PTPN1: variants seen among roughly 807,000 people sequenced by gnomAD.
PTPN1 encodes the protein tyrosine-protein phosphatase non-receptor type 1.
A neutral mutation model predicts 59.9 loss-of-function variants in PTPN1; 12 were observed. That is an observed-to-expected ratio of 0.20 (90% confidence interval 0.13 to 0.32). The LOEUF is 0.32. PTPN1 is among the 10% of genes least tolerant of loss of function. The pLI is 1.00. For missense variants in PTPN1, 356 were observed against 549.2 expected (o/e 0.65, Z 3.52); for synonymous variants, 178 against 203.6 (o/e 0.87, Z 1.07).
At chr20:50,532,428 T>C (rs1338151952) in intron 1 of PTPN1, among the ~76,000 whole-genome samples, 2 of 152,202 alleles carry the variant, frequency 1.3e-5, no homozygotes, top group Non-Finnish European at 2.9e-5. Context: ...TAATCAAGCA[T>C]GAAAGTACAG....
chr20:50,581,505 G>A, intron 9 of PTPN1, 45 bp downstream of exon 9: 1 of 1,559,860 alleles, frequency 6.4e-7, no homozygotes, highest in Non-Finnish European at 8.7e-7. Context: ...CTCGTGTGCA[G>A]AGAGCACTGG....
At chr20:50,534,486 T>C (rs1370249703) in intron 1 of PTPN1, among the ~76,000 whole-genome samples, 2 of 152,240 alleles carry the variant, frequency 1.3e-5, no homozygotes, top group Non-Finnish European at 2.9e-5. Context: ...GTTTGGAAGG[T>C]GTATTTTGTA....
chr20:50,537,319 A>G (rs1279161527), intron 1 of PTPN1, among the ~76,000 whole-genome samples: 1 of 152,106 alleles, frequency 6.6e-6, no homozygotes, highest in African/African-American at 2.4e-5. Context: ...GCAAGACTGC[A>G]TCTCAAAAAT....
chr20:50,545,018 A>G (rs1487355690), intron 1 of PTPN1, among the ~76,000 whole-genome samples: 2 of 152,210 alleles, frequency 1.3e-5, no homozygotes, highest in Non-Finnish European at 2.9e-5. Flanking sequence ...AATAATCATG[A>G]TAAATAAAAT....
Position 50,539,026 on chromosome 20 carries a change from CTTTTTTTTTTT to C in PTPN1, c.64-22321_64-22311del, listed in dbSNP as rs71190576. 1.3e-4 allele frequency among the ~76,000 whole-genome samples: 11 copies of C among 85,312 alleles called. No individual in the cohort carries two copies. In the South Asian group the frequency reaches 2.2e-3, roughly 17 times the overall value. The allele number at this position is 85,312 out of a possible 152,430, so 56.0% of individuals were successfully genotyped here. A position where few individuals can be genotyped will look rare whatever the true frequency, so the allele number is the denominator to read the frequency against. On this transcript the variant is annotated intron_variant, in intron 1 of 9. Coordinates refer to ENST00000371621, the MANE Select transcript of PTPN1 (RefSeq NM_002827.4). The stretch of plus-strand genomic sequence containing the variant: ...TGCTCACTCTAAGTTCTTCTCAATT[CTTTTTTTTTTT>C]TTTTTTTTTTTTTTTGAGAAAGAGT...
chr20:50,561,358 T>G lies in PTPN1; in HGVS notation c.64-5T>G. On this transcript the variant is annotated splice_region_variant and splice_polypyrimidine_tract_variant and intron_variant, in intron 1 of 9. Coordinates refer to ENST00000371621, the MANE Select transcript of PTPN1 (RefSeq NM_002827.4). ...TCAGTTAAATGTCTTTATTCTTTTT[T>G]GTAGGATATCCGACATGAAGCCAGT... The G allele has an allele frequency of 6.2e-7, 1 of 1,600,790 alleles. No individual in the cohort carries two copies.
chr20:50,579,945 A>G lies in PTPN1; in HGVS notation c.1088+19A>G. The G allele has an allele frequency of 6.2e-7, 1 of 1,605,160 alleles. No individual in the cohort carries two copies. The highest frequency in any genetic ancestry group is 8.5e-7 in the Non-Finnish European group (1 of 1,172,692). On this transcript the variant is annotated intron_variant, in intron 8 of 9. Coordinates refer to ENST00000371621, the MANE Select transcript of PTPN1 (RefSeq NM_002827.4). ...TCGAAAGGTAATATGATTGGGTCCC[A>G]GCTTGTTGGGGTGAGGGGAAATGAC... is the stretch of plus-strand genomic sequence containing the variant.
chr20:50,549,508 G>A (rs1023146992), intron 1 of PTPN1, among the ~76,000 whole-genome samples: 3 of 152,084 alleles, frequency 2.0e-5, no homozygotes, highest in East Asian at 1.9e-4. Flanking sequence ...CTGTACAAGC[G>A]GACCCAACGC....
At chr20:50,547,395 G>A (rs1358896319) in intron 1 of PTPN1, among the ~76,000 whole-genome samples, 2 of 150,782 alleles carry the variant, frequency 1.3e-5, no homozygotes, top group African/African-American at 2.4e-5. Flanking sequence ...TGAGAGTCTC[G>A]CTCTGTCACC....
At chr20:50,524,563 T>C (rs977898822) in intron 1 of PTPN1, among the ~76,000 whole-genome samples, 155 of 143,200 alleles carry the variant, frequency 1.1e-3, no homozygotes, top group African/African-American at 3.9e-3. Context: ...TATCCCATTA[T>C]GTGGTCTTTT....
intron 3 of PTPN1, among the ~76,000 whole-genome samples, chr20:50,566,240 T>C (rs1013994581): frequency 1.3e-5 from 2 of 152,218 alleles, no homozygotes; most frequent in Admixed American, 6.5e-5. Context: ...AAGTGACTTC[T>C]TGAGGACTTT....
At chr20:50,562,929 T>C (rs2082759883) in intron 2 of PTPN1, 1 of 152,190 alleles carries the variant, frequency 6.6e-6, no homozygotes, top group African/African-American at 2.4e-5. Flanking sequence ...TTGCTACATT[T>C]TTTAACATTT....
At chr20:50,555,860 GT>G (rs1396664198) in intron 1 of PTPN1, among the ~76,000 whole-genome samples, 1 of 151,822 alleles carries the variant, frequency 6.6e-6, no homozygotes, top group Non-Finnish European at 1.5e-5. Flanking sequence ...GTAAATATTC[GT>G]TAGCTGAGTG....
intron 1 of PTPN1, among the ~76,000 whole-genome samples, chr20:50,524,840 G>T (rs2082567318): frequency 2.0e-5 from 3 of 152,028 alleles, no homozygotes; most frequent in Admixed American, 2.0e-4. Context: ...CTCCCAAAGT[G>T]CTGGGATTAC....
At chr20:50,561,015 T>C (rs2082749799) in intron 1 of PTPN1, among the ~76,000 whole-genome samples, 1 of 152,220 alleles carries the variant, frequency 6.6e-6, no homozygotes. Context: ...TACCCACCCA[T>C]GTCCTCCAGC....
chr20:50,519,099 A>T (rs997929906), intron 1 of PTPN1, among the ~76,000 whole-genome samples: 12 of 152,236 alleles, frequency 7.9e-5, no homozygotes, highest in Non-Finnish European at 1.3e-4. Context: ...TTCACACCAC[A>T]AATAACTACC....
chr20:50,540,557 T>C (rs767061109), intron 1 of PTPN1, among the ~76,000 whole-genome samples: 1 of 152,254 alleles, frequency 6.6e-6, no homozygotes, highest in African/African-American at 2.4e-5. Flanking sequence ...ATTTTTAACA[T>C]TGGGGATCAC....
intron 1 of PTPN1, among the ~76,000 whole-genome samples, chr20:50,537,758 T>G (rs2082630470): frequency 6.6e-6 from 1 of 152,100 alleles, no homozygotes. Flanking sequence ...TTAGATACGG[T>G]TTAGCCAGTT....
Position 50,510,417 on chromosome 20 carries a change from T to C in PTPN1, c.-111T>C, listed in dbSNP as rs551810377. 4,144 of 1,220,898 alleles carry C rather than the reference T, an allele frequency of 3.4e-3. 18 individuals are homozygous for C. The highest frequency in any genetic ancestry group is 3.4e-3 in the Non-Finnish European group (2,959 of 877,330). 75.6% of individuals were successfully genotyped at this position (1,220,898 alleles called of 1,614,324 possible). A position where few individuals can be genotyped will look rare whatever the true frequency, so the allele number is the denominator to read the frequency against. On this transcript the variant is annotated 5_prime_UTR_variant, in exon 1 of 10. Coordinates refer to ENST00000371621, the MANE Select transcript of PTPN1 (RefSeq NM_002827.4). Reference sequence around the variant, plus strand: ...CAGCAGCGGCTAGGGCGGCGGTAGCTGCAGGGGTCGGGGATTGCAGCGGGC... The same window carrying C: ...CAGCAGCGGCTAGGGCGGCGGTAGCCGCAGGGGTCGGGGATTGCAGCGGGC...
Sources: allele counts gnomAD v4.1 joint callset (sites outside exome capture counted in the v4.1 genomes callset), GRCh38; gene constraint gnomAD v4.1.1; transcripts MANE v1.5; gene names NCBI Gene and HGNC (gene_info 2026-07-23, HGNC 2026-07-21).